SRGAP3: variants seen among roughly 807,000 people sequenced by gnomAD.
The protein encoded by SRGAP3 is SLIT-ROBO Rho GTPase-activating protein 3.
In SRGAP3, 39 loss-of-function variants were observed where a neutral mutation model predicts 121.1. The observed-to-expected ratio is 0.32, with a 90% CI of 0.25 to 0.42. SRGAP3 has a LOEUF of 0.42. SRGAP3 is among the 10% of genes least tolerant of loss of function. The pLI is 1.00. For synonymous variants in SRGAP3, 601 were observed against 570.0 expected (o/e 1.05, Z -0.77); for missense variants, 1,213 against 1,470.6 (o/e 0.82, Z 2.86).
intron 3 of SRGAP3, among the ~76,000 whole-genome samples, chr3:9,267,078 G>GA (rs1954381740): frequency 6.6e-6 from 1 of 152,160 alleles, no homozygotes; most frequent in East Asian, 1.9e-4. Context: ...GCAAGTAAGG[G>GA]TTCCTCCTGG....
chr3:9,158,977 C>T (rs1292883687), intron 1 of SRGAP3, among the ~76,000 whole-genome samples: 1 of 152,212 alleles, frequency 6.6e-6, no homozygotes, highest in Non-Finnish European at 1.5e-5. Flanking sequence ...CTCCCCTACT[C>T]ACCCTAGTCT....
intron 1 of SRGAP3, among the ~76,000 whole-genome samples, chr3:9,131,078 C>A (rs1040010105): frequency 6.6e-6 from 1 of 152,226 alleles, no homozygotes; most frequent in Non-Finnish European, 1.5e-5. Context: ...TTACCCATCT[C>A]ATTATTTCTA....
At chr3:9,205,970 G>C (rs1952252993) in intron 1 of SRGAP3, among the ~76,000 whole-genome samples, 1 of 152,136 alleles carries the variant, frequency 6.6e-6, no homozygotes, top group African/African-American at 2.4e-5. Context: ...CTAGGGGGTT[G>C]GGGAGGAGAA....
At chr3:9,106,038 C>T (rs889513158) in intron 2 of SRGAP3, among the ~76,000 whole-genome samples, 3 of 152,164 alleles carry the variant, frequency 2.0e-5, no homozygotes, top group Admixed American at 1.3e-4. Context: ...ACTTGAAATA[C>T]GGTTTATACT....
intron 9 of SRGAP3, among the ~76,000 whole-genome samples, chr3:9,047,969 C>A (rs887907358): frequency 3.3e-5 from 5 of 152,252 alleles, no homozygotes; most frequent in African/African-American, 1.2e-4. Flanking sequence ...GGAGGAGGGG[C>A]TTGCAGGCCC....
intron 1 of SRGAP3, among the ~76,000 whole-genome samples, chr3:9,335,769 G>C (rs1559282281): frequency 6.6e-6 from 1 of 152,202 alleles, no homozygotes; most frequent in Non-Finnish European, 1.5e-5. Context: ...ACCTGGAGAA[G>C]TTTATAAAAT....
chr3:8,992,229 T>TGAGAGTGTGACTA (rs1208649880), intron 20 of SRGAP3, among the ~76,000 whole-genome samples: 1 of 152,230 alleles, frequency 6.6e-6, no homozygotes, highest in East Asian at 1.9e-4. Context: ...TATGACATTT[T>TGAGAGTGTGACTA]GAGAGTGTGA....
chr3:9,358,837 G>C (rs1003068408), intron 1 of SRGAP3, among the ~76,000 whole-genome samples: 1 of 152,186 alleles, frequency 6.6e-6, no homozygotes, highest in African/African-American at 2.4e-5. Flanking sequence ...AGATGCATAG[G>C]GCAAGGGATA....
chr3:9,165,447 C>T (rs1469247407), intron 1 of SRGAP3, among the ~76,000 whole-genome samples: 1 of 152,222 alleles, frequency 6.6e-6, no homozygotes, highest in Non-Finnish European at 1.5e-5. Context: ...AGGCATCATT[C>T]CTTCCTCCTG....
intron 3 of SRGAP3, among the ~76,000 whole-genome samples, chr3:9,280,850 T>A (rs1954662390): frequency 6.6e-6 from 1 of 152,170 alleles, no homozygotes; most frequent in African/African-American, 2.4e-5. Context: ...AGAACCCAAA[T>A]AGTAACTATG....
intron 1 of SRGAP3, among the ~76,000 whole-genome samples, chr3:9,352,215 G>C (rs1318333335): frequency 6.6e-6 from 1 of 151,372 alleles, no homozygotes; most frequent in Non-Finnish European, 1.5e-5. Context: ...CCAATCTGCA[G>C]ATTGTTTTTT....
At chr3:9,041,449 A>G (rs753915713) in intron 10 of SRGAP3, among the ~76,000 whole-genome samples, 9 of 152,372 alleles carry the variant, frequency 5.9e-5, no homozygotes, top group Non-Finnish European at 1.0e-4. Context: ...AAGAGATTAA[A>G]TAATATCTTT....
chr3:9,299,001 G>C (rs891353486), intron 3 of SRGAP3, among the ~76,000 whole-genome samples: 3 of 144,470 alleles, frequency 2.1e-5, no homozygotes, highest in African/African-American at 7.7e-5. Context: ...GCAGTAAGCT[G>C]AGATCATGCC....
chr3:9,028,053 A>G (rs779654478), intron 12 of SRGAP3: 1 of 1,611,980 alleles, frequency 6.2e-7, no homozygotes, highest in Non-Finnish European at 8.5e-7. Context: ...CACTAAAGAC[A>G]GTTTCCATCA....
chr3:9,298,711 G>C (rs1954996017), intron 3 of SRGAP3, among the ~76,000 whole-genome samples: 1 of 152,142 alleles, frequency 6.6e-6, no homozygotes, highest in African/African-American at 2.4e-5. Flanking sequence ...TGGTCACAGG[G>C]AAAGACCTAG....
At chr3:9,031,953 C>G (rs911478040) in intron 12 of SRGAP3, among the ~76,000 whole-genome samples, 1 of 152,144 alleles carries the variant, frequency 6.6e-6, no homozygotes, top group African/African-American at 2.4e-5. Flanking sequence ...TCCCTTGAGC[C>G]ATTATATCTG....
chr3:9,186,054 G>A (rs972041551), intron 1 of SRGAP3, among the ~76,000 whole-genome samples: 1 of 152,112 alleles, frequency 6.6e-6, no homozygotes, highest in African/African-American at 2.4e-5. Context: ...TTCTCCAACC[G>A]TGTCACCCCT....
chr3:9,030,153 AAATG>A (rs149686122), intron 12 of SRGAP3, among the ~76,000 whole-genome samples: 6,399 of 148,264 alleles, frequency 0.043, 169 homozygotes, highest in Middle Eastern at 0.079. Context: ...CTGCCTCAAT[AAATG>A]AATGAATGAA....
chr3:9,111,882 T>C (rs1353557818), intron 2 of SRGAP3, among the ~76,000 whole-genome samples: 1 of 152,234 alleles, frequency 6.6e-6, no homozygotes, highest in Non-Finnish European at 1.5e-5. Flanking sequence ...CAGAAGCTGC[T>C]GAACTAAGAC....
Sources: gnomAD v4.1 joint callset for allele counts (sites outside exome capture counted in the v4.1 genomes callset) on GRCh38, gnomAD v4.1.1 for gene constraint, MANE v1.5 for transcripts, NCBI Gene and HGNC (gene_info 2026-07-23, HGNC 2026-07-21) for gene names.